Variants in PAK5 observed in about 807,000 individuals in gnomAD.
PAK5 encodes p21 (RAC1) activated kinase 5, also known as serine/threonine-protein kinase PAK 5.
A neutral mutation model predicts 65.9 loss-of-function variants in PAK5; 16 were observed. The ratio of observed to expected loss-of-function variants is 0.24; its 90% CI spans 0.16 to 0.37. PAK5 has a LOEUF of 0.37. PAK5 is among the 10% of genes least tolerant of loss of function. The pLI is 1.00. For missense variants in PAK5, 785 were observed against 903.9 expected (o/e 0.87, Z 1.69); for synonymous variants, 371 against 354.9 (o/e 1.05, Z -0.51).
chr20:9,626,425 T>G (rs934308149), intron 3 of PAK5, among the ~76,000 whole-genome samples: 13 of 152,240 alleles, frequency 8.5e-5, no homozygotes, highest in Non-Finnish European at 1.9e-4. Context: ...ATATTTAACT[T>G]GTGAGACACC....
At chr20:9,740,948 G>T (rs183336706) in intron 1 of PAK5, among the ~76,000 whole-genome samples, 5 of 152,300 alleles carry the variant, frequency 3.3e-5, no homozygotes, top group Admixed American at 3.3e-4. Flanking sequence ...GTGCCATACA[G>T]CTCAGCCTTC....
intron 2 of PAK5, among the ~76,000 whole-genome samples, chr20:9,661,393 C>A (rs117466991): frequency 6.6e-6 from 1 of 152,228 alleles, no homozygotes; most frequent in Admixed American, 6.5e-5. Flanking sequence ...AGATCCAGAC[C>A]CACCAAGGTG....
chr20:9,679,729 C>T (rs183742743), intron 2 of PAK5, among the ~76,000 whole-genome samples: 1 of 152,222 alleles, frequency 6.6e-6, no homozygotes. Flanking sequence ...CTCTCATTTC[C>T]CAACATCACT....
intron 7 of PAK5, among the ~76,000 whole-genome samples, chr20:9,554,657 C>G (rs569078215): frequency 9.9e-5 from 15 of 152,260 alleles, no homozygotes; most frequent in Admixed American, 9.2e-4. Flanking sequence ...CACTAATAGA[C>G]TCATATAATA....
chr20:9,704,445 G>GC (rs1358485270), intron 2 of PAK5, among the ~76,000 whole-genome samples: 1 of 152,096 alleles, frequency 6.6e-6, no homozygotes, highest in Non-Finnish European at 1.5e-5. Context: ...TTCCACTTAA[G>GC]CCATTTCCCA....
chr20:9,625,338 A>C (rs990487749), intron 3 of PAK5, among the ~76,000 whole-genome samples: 2 of 152,312 alleles, frequency 1.3e-5, no homozygotes, highest in Non-Finnish European at 2.9e-5. Flanking sequence ...AGAATAATCC[A>C]TTGAGGATCT....
intron 1 of PAK5, among the ~76,000 whole-genome samples, chr20:9,757,388 A>G (rs549657422): frequency 1.3e-5 from 2 of 152,350 alleles, no homozygotes; most frequent in African/African-American, 4.8e-5. Flanking sequence ...TGAAAATAAA[A>G]TATGATGAAT....
At chr20:9,614,346 A>T (rs1181179567) in intron 3 of PAK5, among the ~76,000 whole-genome samples, 2 of 152,176 alleles carry the variant, frequency 1.3e-5, no homozygotes, top group African/African-American at 4.8e-5. Context: ...ATATCCAAGG[A>T]CTGTGGGATA....
chr20:9,804,321 T>C (rs2049205756), intron 1 of PAK5, among the ~76,000 whole-genome samples: 1 of 152,168 alleles, frequency 6.6e-6, no homozygotes, highest in African/African-American at 2.4e-5. Context: ...TGTAGATGCA[T>C]CAAGCAACCA....
intron 1 of PAK5, among the ~76,000 whole-genome samples, chr20:9,750,150 A>C (rs1390035648): frequency 6.6e-6 from 1 of 152,164 alleles, no homozygotes; most frequent in East Asian, 1.9e-4. Flanking sequence ...ACATTCTACC[A>C]GAGGGAAATT....
intron 1 of PAK5, among the ~76,000 whole-genome samples, chr20:9,820,506 TAA>T (rs1451562317): frequency 1.3e-5 from 2 of 152,216 alleles, no homozygotes; most frequent in Non-Finnish European, 2.9e-5. Context: ...AAAGGAGATG[TAA>T]GTCTCAGTAG....
intron 2 of PAK5, among the ~76,000 whole-genome samples, chr20:9,701,112 C>A (rs1056852948): frequency 2.0e-5 from 3 of 152,122 alleles, no homozygotes; most frequent in African/African-American, 7.2e-5. Context: ...GTGGTCTCCA[C>A]AGGCATGAGA....
chr20:9,604,875 G>T (rs1342583939), intron 3 of PAK5, among the ~76,000 whole-genome samples: 1 of 152,176 alleles, frequency 6.6e-6, no homozygotes, highest in Non-Finnish European at 1.5e-5. Flanking sequence ...CCTCACTGGG[G>T]CGTTATCTGG....
intron 2 of PAK5, among the ~76,000 whole-genome samples, chr20:9,680,934 T>C (rs575601413): frequency 1.3e-5 from 2 of 152,360 alleles, no homozygotes; most frequent in Admixed American, 1.3e-4. Flanking sequence ...GTATGGCAAT[T>C]AGTTTAAGTT....
chr20:9,671,422 C>A (rs897965072), intron 2 of PAK5, among the ~76,000 whole-genome samples: 2 of 152,016 alleles, frequency 1.3e-5, no homozygotes, highest in African/African-American at 4.8e-5. Flanking sequence ...AATGTTCTTC[C>A]ATTTGTTTGT....
intron 1 of PAK5, among the ~76,000 whole-genome samples, chr20:9,782,247 T>C (rs1015043257): frequency 1.3e-5 from 2 of 152,142 alleles, no homozygotes; most frequent in African/African-American, 4.8e-5. Flanking sequence ...TAGTCTTTCT[T>C]GAATCTCATG....
At chr20:9,559,753 C>A (rs1175901524) in intron 6 of PAK5, among the ~76,000 whole-genome samples, 2 of 151,764 alleles carry the variant, frequency 1.3e-5, no homozygotes, top group Non-Finnish European at 2.9e-5. Context: ...CAGAGTGAGG[C>A]TCTGTTTCAA....
At chr20:9,801,520 C>T (rs187759867) in intron 1 of PAK5, among the ~76,000 whole-genome samples, 18 of 150,796 alleles carry the variant, frequency 1.2e-4, no homozygotes, top group Admixed American at 1.1e-3. Context: ...GATATACACA[C>T]ACACATACAC....
At chr20:9,618,946 T>TTTTTTTC in intron 3 of PAK5, among the ~76,000 whole-genome samples, 1 of 134,148 alleles carries the variant, frequency 7.5e-6, no homozygotes, top group Non-Finnish European at 1.6e-5. Flanking sequence ...TTTTTTTTTT[T>TTTTTTTC]TTTAATCTCA....
Sources: allele counts gnomAD v4.1 joint callset (sites outside exome capture counted in the v4.1 genomes callset), GRCh38; gene constraint gnomAD v4.1.1; transcripts MANE v1.5; gene names NCBI Gene and HGNC (gene_info 2026-07-23, HGNC 2026-07-21).